Variants in CARD8 observed in about 807,000 individuals in gnomAD.
The protein encoded by CARD8 is caspase recruitment domain family member 8, also known as caspase recruitment domain-containing protein 8.
A neutral mutation model predicts 53.2 loss-of-function variants in CARD8; 38 were observed. The observed-to-expected ratio is 0.71, with a 90% CI of 0.55 to 0.94. CARD8 has a LOEUF of 0.94. Among genes scored for constraint, CARD8 ranks in the 40% least tolerant of loss-of-function variants. CARD8 has a pLI of 0.00. For missense variants in CARD8, 561 were observed against 655.5 expected, an observed-to-expected ratio of 0.86 and a Z score of 1.57; for synonymous variants, 245 against 244.9, an observed-to-expected ratio of 1.00 and a Z score of 0.00.
At chr19:48,215,425 T>A in intron 12 of CARD8, 41 bp from the exon 13 acceptor site, 2 of 1,371,594 alleles carry the variant, frequency 1.5e-6, no homozygotes, top group Non-Finnish European at 2.1e-6. Context: ...ATGAGATAAA[T>A]CATGTACCCT....
chr19:48,215,105 T>C, intron 13 of CARD8: 1 of 397,782 alleles, frequency 2.5e-6, no homozygotes, highest in East Asian at 4.6e-5. Context: ...CTGTAAAGCT[T>C]TTTAATAAAC....
At chr19:48,233,485 C>T (rs1275482260) in intron 6 of CARD8, 1 of 445,916 alleles carries the variant, frequency 2.2e-6, no homozygotes, top group Non-Finnish European at 4.5e-6. Context: ...ATGGAGAGAC[C>T]CCTGGGCTGA....
intron 2 of CARD8, 33 bp downstream of exon 2, chr19:48,249,718 A>G (rs1250802437): frequency 2.6e-5 from 4 of 152,368 alleles, no homozygotes; most frequent in African/African-American, 9.7e-5. Flanking sequence ...CCTCCCCTAA[A>G]GTCACCACCT....
intron 8 of CARD8, among the ~76,000 whole-genome samples, chr19:48,231,301 T>C (rs1379232263): frequency 6.6e-6 from 1 of 152,114 alleles, no homozygotes; most frequent in Non-Finnish European, 1.5e-5. Context: ...TGTATTTATA[T>C]TTTTATTTAT....
chr19:48,222,444 G>A (rs191299014), intron 10 of CARD8, among the ~76,000 whole-genome samples: 134 of 152,238 alleles, frequency 8.8e-4, no homozygotes, highest in Admixed American at 8.4e-3. Context: ...TAATCCTAGC[G>A]CTTTGGGAGG....
intron 13 of CARD8, among the ~76,000 whole-genome samples, chr19:48,214,618 G>GA (rs1294846469): frequency 6.6e-6 from 1 of 152,104 alleles, no homozygotes; most frequent in African/African-American, 2.4e-5. Context: ...CCCAGGGGAA[G>GA]AATCAGGGAA....
chr19:48,248,249 G>A (rs1223690102), intron 3 of CARD8, among the ~76,000 whole-genome samples: 2 of 152,084 alleles, frequency 1.3e-5, no homozygotes, highest in Admixed American at 6.6e-5. Context: ...TTGCCTGCAC[G>A]TATTGCCTGT....
In CARD8 at chr19:48,230,442, G is replaced by A; in HGVS notation, c.1031C>T (p.Thr344Ile). ...CTCCTAAATCACTCAGCTTACCTTT[G>A]TTAGCAAGGCGTCGCTGGGGACAAG... Reference protein sequence around the residue: ...LYLVPSDALLTKAIDDEEDRF... With the variant: ...LYLVPSDALLIKAIDDEEDRF... The change falls in exon 10 of 14, where the codon ACA (threonine) becomes ATA (isoleucine). Residue 344 changes from threonine (T) to isoleucine (I), a missense_variant. By Grantham distance (89) the Thr-to-Ile change is moderately conservative. Transcript: ENST00000651546. The A allele has an allele frequency of 1.2e-6, 2 of 1,603,134 alleles. No homozygotes were observed. The highest frequency in any genetic ancestry group is 1.7e-6 in the Non-Finnish European group (2 of 1,173,544).
Position 48,238,463 on chromosome 19 carries a change from C to A in CARD8, c.129G>T (p.Leu43Phe). Residue 43 changes from leucine to phenylalanine, a missense_variant, in exon 5 of 14, where the codon TTG becomes TTT. By Grantham distance (22) the Leu-to-Phe change is conservative. Transcript: ENST00000651546. ...GCAGTTCCCGTATGCTATTGTCAAC[C>A]AACAGTTTCCGTGATCCTTGTAGTC... ...LIRLQGSRKL[L>F]VDNSIRELQY... The A allele has an allele frequency of 6.5e-7, 1 of 1,536,280 alleles. No individual in the cohort carries two copies. Among genetic ancestry groups the A allele is most frequent in the Non-Finnish European group, 8.7e-7 (1 of 1,146,938 alleles).
chr19:48,231,581 G>A (rs529684659), intron 8 of CARD8, 79 bp downstream of exon 8: 2 of 1,419,646 alleles, frequency 1.4e-6, no homozygotes, highest in African/African-American at 1.4e-5. Flanking sequence ...GAGATTACAG[G>A]CCTGAGCCAC....
chr19:48,244,877 G>C (rs1360034512), intron 3 of CARD8, among the ~76,000 whole-genome samples: 1 of 141,156 alleles, frequency 7.1e-6, no homozygotes, highest in East Asian at 1.9e-4. Context: ...AATCACTCTT[G>C]GGGGGAAAAA....
rs1330075270 is a variant in CARD8 at position 48,231,026 on chromosome 19, T to C, written c.543-20A>G. 3 of 1,593,958 alleles carry C rather than the reference T, an allele frequency of 1.9e-6. No individual in the cohort carries two copies. The highest frequency in any genetic ancestry group is 1.7e-6 in the Non-Finnish European group (2 of 1,162,142). ...CAAACGCTGAAAGGAGCCAGAGTGA[T>C]GTCATGACGGGAGAACCCCAGGACT... On this transcript the variant is annotated intron_variant, in intron 8 of 13. Transcript: ENST00000651546.
chr19:48,238,641 C>T (rs1458683497), intron 4 of CARD8, 109 bp from the exon 5 acceptor site: 2 of 961,968 alleles, frequency 2.1e-6, no homozygotes, highest in Non-Finnish European at 1.5e-6. Context: ...TAGAGATATC[C>T]ATCCTTAGAC....
intron 5 of CARD8, among the ~76,000 whole-genome samples, chr19:48,236,110 G>A (rs945814234): frequency 6.6e-6 from 1 of 152,232 alleles, no homozygotes; most frequent in African/African-American, 2.4e-5. Context: ...CATCCTGGGT[G>A]AGAACTCTAT....
chr19:48,228,245 C>A (rs932059301), intron 10 of CARD8, among the ~76,000 whole-genome samples: 4 of 152,200 alleles, frequency 2.6e-5, no homozygotes, highest in African/African-American at 9.6e-5. Flanking sequence ...GTAATTATTT[C>A]ATCATATATT....
At chr19:48,229,330 T>A (rs1294891377) in intron 10 of CARD8, among the ~76,000 whole-genome samples, 2 of 152,028 alleles carry the variant, frequency 1.3e-5, no homozygotes, top group Non-Finnish European at 2.9e-5. Flanking sequence ...TTGGGAATGA[T>A]GAAAGAAGAG....
chr19:48,207,308 C>A (rs1007280395), downstream of CARD8, among the ~76,000 whole-genome samples: 10 of 151,822 alleles, frequency 6.6e-5, no homozygotes, highest in Non-Finnish European at 1.3e-4. Flanking sequence ...GTTATGGCAA[C>A]CTGAGCAGGA....
downstream of CARD8, among the ~76,000 whole-genome samples, chr19:48,206,134 G>A (rs1344121113): frequency 2.0e-5 from 3 of 152,056 alleles, no homozygotes; most frequent in East Asian, 5.8e-4. Context: ...CTAACCTCAA[G>A]TGATCCACCC....
intron 10 of CARD8, among the ~76,000 whole-genome samples, chr19:48,222,974 T>G (rs1286329089): frequency 1.3e-5 from 2 of 152,156 alleles, no homozygotes; most frequent in Non-Finnish European, 1.5e-5. Flanking sequence ...GTGTCAACTA[T>G]GAAAATTATG....
Sources: gnomAD v4.1 joint callset for allele counts (sites outside exome capture counted in the v4.1 genomes callset) on GRCh38, gnomAD v4.1.1 for gene constraint, MANE v1.5 for transcripts, NCBI Gene and HGNC (gene_info 2026-07-23, HGNC 2026-07-21) for gene names.